Variants in VPS54 observed in about 807,000 individuals in gnomAD.
The protein encoded by VPS54 is VPS54 subunit of GARP complex.
A neutral mutation model predicts 121.5 loss-of-function variants in VPS54; 45 were observed. The ratio of observed to expected loss-of-function variants is 0.37; its 90% CI spans 0.29 to 0.47. The LOEUF (loss-of-function observed/expected upper bound fraction) is 0.47. Ranked by LOEUF, VPS54 falls within the 20% of genes least tolerant of loss-of-function variation. The pLI is 0.99. For missense variants in VPS54, 1,090 were observed against 1,131.4 expected (o/e 0.96, Z 0.52); for synonymous variants, 371 against 385.8 (o/e 0.96, Z 0.45).
At chr2:63,987,157 G>A (rs1677090983) in intron 1 of VPS54, among the ~76,000 whole-genome samples, 1 of 152,158 alleles carries the variant, frequency 6.6e-6, no homozygotes, top group Non-Finnish European at 1.5e-5. Flanking sequence ...TCAATGACCT[G>A]GACATTTTCC....
At chr2:64,013,518 C>G (rs963963382) in intron 1 of VPS54, among the ~76,000 whole-genome samples, 1 of 149,830 alleles carries the variant, frequency 6.7e-6, no homozygotes, top group Non-Finnish European at 1.5e-5. Context: ...ATAGAGTATA[C>G]ATCAAATAAT....
chr2:63,926,483 T>C (rs1327186825), intron 12 of VPS54, among the ~76,000 whole-genome samples: 2 of 152,158 alleles, frequency 1.3e-5, no homozygotes, highest in Non-Finnish European at 2.9e-5. Context: ...GGACCATAAG[T>C]TGATTTACAT....
intron 1 of VPS54, among the ~76,000 whole-genome samples, chr2:64,004,704 G>A (rs540982868): frequency 2.6e-5 from 4 of 152,286 alleles, no homozygotes; most frequent in Non-Finnish European, 5.9e-5. Flanking sequence ...GTTTTTAAAT[G>A]CATAAAACAC....
intron 20 of VPS54, among the ~76,000 whole-genome samples, chr2:63,907,999 A>C (rs1672978953): frequency 6.6e-6 from 1 of 152,234 alleles, no homozygotes; most frequent in Non-Finnish European, 1.5e-5. Context: ...AAAATTTTGC[A>C]GTTTCTTATA....
At chr2:63,931,487 C>T (rs973532963) in intron 12 of VPS54, among the ~76,000 whole-genome samples, 1 of 152,112 alleles carries the variant, frequency 6.6e-6, no homozygotes, top group Non-Finnish European at 1.5e-5. Context: ...TTCCTTACAC[C>T]ATATACAAAA....
intron 7 of VPS54, among the ~76,000 whole-genome samples, chr2:63,953,712 T>C (rs1253916042): frequency 1.3e-5 from 2 of 152,158 alleles, no homozygotes; most frequent in African/African-American, 2.4e-5. Flanking sequence ...GATGGATGGA[T>C]AGATAGATAC....
intron 11 of VPS54, among the ~76,000 whole-genome samples, chr2:63,941,005 T>C (rs1213177573): frequency 6.6e-6 from 1 of 152,158 alleles, no homozygotes; most frequent in African/African-American, 2.4e-5. Context: ...CACATGTGAC[T>C]TAGCATTGCT....
intron 1 of VPS54, among the ~76,000 whole-genome samples, chr2:63,996,068 C>T (rs527273384): frequency 5.9e-5 from 9 of 152,128 alleles, no homozygotes; most frequent in Non-Finnish European, 1.2e-4. Context: ...AAGAATCCTG[C>T]GTCAAAATCG....
chr2:63,915,822 C>T (rs1200182188), intron 16 of VPS54, among the ~76,000 whole-genome samples: 2 of 152,088 alleles, frequency 1.3e-5, no homozygotes, highest in Non-Finnish European at 2.9e-5. Context: ...AGGATTAATT[C>T]TATACATACT....
chr2:63,981,721 A>C lies in VPS54; in HGVS notation c.303T>G (p.Thr101=), dbSNP rs1001563797. 6 of 1,613,614 alleles carry C rather than the reference A, an allele frequency of 3.7e-6. No homozygotes were observed. The African/African-American group carries it at 5.3e-5, about 14-fold the overall frequency. The change falls in exon 3 of 23, where the codon ACT becomes ACG. Residue 101 remains threonine (T), a synonymous_variant. Coordinates refer to ENST00000272322, the MANE Select transcript of VPS54 (RefSeq NM_016516.3). ...GGAGGTAGAATGAAGGTATGACTTC[A>C]GTGTCCACAAAGTCCAATCCCCATG... ...TKTWGLDFVD[T]EVIPSFYLPQ... is the part of the protein sequence containing the mutation.
chr2:63,930,955 A>G (rs530420255), intron 12 of VPS54, among the ~76,000 whole-genome samples: 206 of 152,330 alleles, frequency 1.4e-3, no homozygotes, highest in African/African-American at 4.7e-3. Flanking sequence ...TCCAACTTAC[A>G]AGGGATGTGA....
chr2:64,012,488 T>C (rs1229200241), intron 1 of VPS54, among the ~76,000 whole-genome samples: 3 of 146,610 alleles, frequency 2.0e-5, no homozygotes, highest in Non-Finnish European at 4.5e-5. Flanking sequence ...TCCCCAGATG[T>C]AGTTTTTTCC....
rs201372106 is a variant in VPS54, at chr2:63,906,404, TA to T, written c.2625+5940del. On this transcript the variant is annotated intron_variant, in intron 20 of 22. Coordinates refer to ENST00000272322, the MANE Select transcript of VPS54 (RefSeq NM_016516.3). The stretch of plus-strand genomic sequence containing the variant: ...ATTGAATAATTGGAAACGTAAATCT[TA>T]AAAAAAGATACCATGTACAATAGCA... 6.0e-4 allele frequency among the ~76,000 whole-genome samples: 91 copies of T among 152,210 alleles called. 1 individual carries two copies. The East Asian group carries it at 0.014, about 24-fold the overall frequency.
chr2:64,010,423 T>G (rs1678376398), intron 1 of VPS54, among the ~76,000 whole-genome samples: 2 of 152,212 alleles, frequency 1.3e-5, no homozygotes, highest in African/African-American at 2.4e-5. Flanking sequence ...CAAAGATCAG[T>G]TTGACAGAAC....
At chr2:63,939,796 C>G (rs919343853) in intron 11 of VPS54, among the ~76,000 whole-genome samples, 11 of 150,902 alleles carry the variant, frequency 7.3e-5, no homozygotes, top group Admixed American at 7.3e-4. Flanking sequence ...GAGTCTTGCT[C>G]CGTCACCAGG....
At chr2:63,950,583 T>C (rs1268921328) in intron 7 of VPS54, among the ~76,000 whole-genome samples, 1 of 152,186 alleles carries the variant, frequency 6.6e-6, no homozygotes, top group Non-Finnish European at 1.5e-5. Flanking sequence ...TCCAGGTCTT[T>C]TGTTGTATAA....
chr2:63,983,212 A>C (rs1575988173), intron 2 of VPS54, among the ~76,000 whole-genome samples: 1 of 147,494 alleles, frequency 6.8e-6, no homozygotes, highest in African/African-American at 2.5e-5. Context: ...GTGCACTGCA[A>C]CCTCCACCTC....
intron 5 of VPS54, 24 bp downstream of exon 5, chr2:63,968,933 T>C: frequency 6.3e-7 from 1 of 1,588,698 alleles, no homozygotes; most frequent in Non-Finnish European, 8.6e-7. Flanking sequence ...ATAAGGCAAT[T>C]TTCTCATGTT....
At chr2:63,942,951 G>A (rs1674806938) in intron 10 of VPS54, among the ~76,000 whole-genome samples, 1 of 152,092 alleles carries the variant, frequency 6.6e-6, no homozygotes, top group Non-Finnish European at 1.5e-5. Flanking sequence ...TGAGTTAAGA[G>A]CCCTGGAACC....
Sources: allele counts gnomAD v4.1 joint callset (sites outside exome capture counted in the v4.1 genomes callset), GRCh38; gene constraint gnomAD v4.1.1; transcripts MANE v1.5; gene names NCBI Gene and HGNC (gene_info 2026-07-23, HGNC 2026-07-21).